Variants in FYB1 observed in about 807,000 individuals in gnomAD.
The protein encoded by FYB1 is FYN binding protein 1, also known as FYN-binding protein 1.
FYB1 carries 41 observed loss-of-function variants against 94.1 expected under a neutral mutation model. That is an observed-to-expected ratio of 0.44 (90% confidence interval 0.34 to 0.57). The LOEUF (loss-of-function observed/expected upper bound fraction) is 0.57, where lower values mean the gene tolerates loss of function less well. FYB1 is among the 20% of genes least tolerant of loss of function. The pLI is 0.02. For synonymous variants in FYB1, 367 were observed against 353.2 expected, an observed-to-expected ratio of 1.04 and a Z score of -0.44; for missense variants, 1,050 against 976.8, an observed-to-expected ratio of 1.07 and a Z score of -1.00.
chr5:39,169,064 T>C, intron 2 of FYB1: 1 of 553,908 alleles, frequency 1.8e-6, no homozygotes, highest in South Asian at 2.1e-5. Flanking sequence ...GGTAGCAGAA[T>C]ACTTGCATAA....
intron 7 of FYB1, among the ~76,000 whole-genome samples, chr5:39,135,358 T>C (rs926038489): frequency 1.3e-5 from 2 of 152,250 alleles, no homozygotes; most frequent in Non-Finnish European, 2.9e-5. Context: ...GCTATGTATC[T>C]TTATGGAATA....
At chr5:39,273,677 T>C (rs1057234626) in intron 1 of FYB1, among the ~76,000 whole-genome samples, 1 of 152,230 alleles carries the variant, frequency 6.6e-6, no homozygotes, top group African/African-American at 2.4e-5. Flanking sequence ...TCTCTTTTCA[T>C]ACATTTTTAT....
chr5:39,229,026 G>T (rs1218187848), intron 1 of FYB1, among the ~76,000 whole-genome samples: 1 of 152,156 alleles, frequency 6.6e-6, no homozygotes, highest in East Asian at 1.9e-4. Flanking sequence ...AGTGGCAGAA[G>T]ATCTCATCTC....
intron 1 of FYB1, among the ~76,000 whole-genome samples, chr5:39,229,669 T>C (rs1379567557): frequency 6.6e-6 from 1 of 152,182 alleles, no homozygotes; most frequent in African/African-American, 2.4e-5. Flanking sequence ...TTATATAGAT[T>C]GTCTAGTTTA....
chr5:39,182,971 G>A (rs1213378429), intron 2 of FYB1, among the ~76,000 whole-genome samples: 2 of 152,160 alleles, frequency 1.3e-5, no homozygotes, highest in Non-Finnish European at 2.9e-5. Context: ...AAACTAAGTT[G>A]ACAAAGTTTG....
intron 1 of FYB1, among the ~76,000 whole-genome samples, chr5:39,264,302 C>A (rs1752341250): frequency 6.6e-6 from 1 of 152,194 alleles, no homozygotes; most frequent in Non-Finnish European, 1.5e-5. Context: ...GAGGACACAG[C>A]AAGAAGTTGG....
chr5:39,226,168 A>G (rs1351882706), intron 1 of FYB1, among the ~76,000 whole-genome samples: 1 of 152,168 alleles, frequency 6.6e-6, no homozygotes, highest in African/African-American at 2.4e-5. Flanking sequence ...TTACATGTTC[A>G]TGTGTAACCA....
chr5:39,140,763 A>C (rs981421686), intron 4 of FYB1, among the ~76,000 whole-genome samples: 3 of 152,256 alleles, frequency 2.0e-5, no homozygotes, highest in African/African-American at 7.2e-5. Flanking sequence ...AATGGGCCCC[A>C]AAACCACATT....
chr5:39,257,840 A>T (rs1295671225), intron 1 of FYB1, among the ~76,000 whole-genome samples: 1 of 151,924 alleles, frequency 6.6e-6, no homozygotes, highest in Non-Finnish European at 1.5e-5. Context: ...CCACCAGGCC[A>T]GCCAAATCAA....
intron 1 of FYB1, among the ~76,000 whole-genome samples, chr5:39,234,684 C>A (rs1433659680): frequency 1.3e-5 from 2 of 152,098 alleles, no homozygotes. Flanking sequence ...AAATGTGGCA[C>A]ATATACACCA....
rs982564331 is a variant in FYB1 at position 39,251,424 on chromosome 5, A to G, written c.-28+22979T>C. ...CACTCAGTTAGAGGGGAATCATTTGAACTGGAACTGTATTTACTGTGGGAT... is the reference window on the plus strand; with the variant it reads ...CACTCAGTTAGAGGGGAATCATTTGGACTGGAACTGTATTTACTGTGGGAT... On this transcript the variant is annotated intron_variant, in intron 1 of 1. Transcript: ENST00000510188. 1.8e-4 allele frequency among the ~76,000 whole-genome samples: 28 copies of G among 152,278 alleles called. 1 individual carries two copies. In the South Asian group the frequency reaches 3.9e-3, roughly 21 times the overall value.
At chr5:39,150,478 C>A (rs1393274992) in intron 3 of FYB1, among the ~76,000 whole-genome samples, 2 of 152,160 alleles carry the variant, frequency 1.3e-5, no homozygotes, top group South Asian at 4.1e-4. Context: ...ATCTTTGGAA[C>A]ACTTACTTTA....
At chr5:39,184,917 A>G (rs1018708722) in intron 2 of FYB1, among the ~76,000 whole-genome samples, 13 of 152,150 alleles carry the variant, frequency 8.5e-5, no homozygotes, top group African/African-American at 3.1e-4. Context: ...TAAAATATTA[A>G]TTCATTAATT....
At chr5:39,217,391 C>G (rs1749948610) in intron 1 of FYB1, among the ~76,000 whole-genome samples, 1 of 152,112 alleles carries the variant, frequency 6.6e-6, no homozygotes, top group Admixed American at 6.5e-5. Flanking sequence ...TGGGTCTCTC[C>G]CTTGCTCATC....
intron 1 of FYB1, among the ~76,000 whole-genome samples, chr5:39,258,730 C>G (rs1046421233): frequency 1.3e-5 from 2 of 152,122 alleles, no homozygotes; most frequent in Middle Eastern, 3.2e-3. Context: ...GCTTTTGGCT[C>G]TCTCACTGAC....
At chr5:39,129,757 A>G (rs543404797) in intron 10 of FYB1, among the ~76,000 whole-genome samples, 2 of 152,108 alleles carry the variant, frequency 1.3e-5, no homozygotes, top group Non-Finnish European at 2.9e-5. Flanking sequence ...GCTGTTATCA[A>G]AAAGAAAAAT....
chr5:39,204,528 C>T (rs1316743288), intron 1 of FYB1, among the ~76,000 whole-genome samples: 3 of 152,160 alleles, frequency 2.0e-5, no homozygotes, highest in Non-Finnish European at 4.4e-5. Flanking sequence ...AGGCCTTGAA[C>T]ATGCTACCTA....
intron 1 of FYB1, among the ~76,000 whole-genome samples, chr5:39,240,162 A>C (rs1751141626): frequency 6.6e-6 from 1 of 152,168 alleles, no homozygotes; most frequent in East Asian, 1.9e-4. Context: ...TACCATATAC[A>C]AAAGTTAAGG....
intron 1 of FYB1, among the ~76,000 whole-genome samples, chr5:39,268,244 T>C (rs1156266027): frequency 1.3e-5 from 2 of 150,870 alleles, no homozygotes; most frequent in East Asian, 3.9e-4. Flanking sequence ...TTTTTTCTTT[T>C]TTTTTTTTTT....
Sources: allele counts gnomAD v4.1 joint callset (sites outside exome capture counted in the v4.1 genomes callset), GRCh38; gene constraint gnomAD v4.1.1; transcripts MANE v1.5; gene names NCBI Gene and HGNC (gene_info 2026-07-23, HGNC 2026-07-21).